The following ZDHHC7 variants were observed in gnomAD, a reference collection of about 807,000 sequenced individuals.
ZDHHC7 encodes the protein palmitoyltransferase ZDHHC7.
ZDHHC7 carries 12 observed loss-of-function variants against 34.1 expected under a neutral mutation model. The ratio of observed to expected loss-of-function variants is 0.35; its 90% CI spans 0.23 to 0.57. The LOEUF (loss-of-function observed/expected upper bound fraction) is 0.57, where lower values mean the gene tolerates loss of function less well. Ranked by LOEUF, ZDHHC7 falls within the 20% of genes least tolerant of loss-of-function variation. The pLI is 0.84. For missense variants in ZDHHC7, 388 were observed against 402.7 expected (o/e 0.96, Z 0.31); for synonymous variants, 185 against 155.4 (o/e 1.19, Z -1.42).
chr16:84,981,325 C>T (rs756306165), intron 4 of ZDHHC7, among the ~76,000 whole-genome samples: 2 of 152,086 alleles, frequency 1.3e-5, no homozygotes, highest in Non-Finnish European at 2.9e-5. Flanking sequence ...TTTGAGAGCA[C>T]GCCCAAATAA....
rs1336325142 is a variant in ZDHHC7 at position 84,975,665 on chromosome 16, C to T, written c.*678G>A. 2 of 152,704 alleles carry T rather than the reference C, an allele frequency of 1.3e-5. No homozygotes were observed. Among genetic ancestry groups the T allele is most frequent in the South Asian group, 2.1e-4 (1 of 4,834 alleles). 9.5% of individuals were successfully genotyped at this position (152,704 alleles called of 1,614,324 possible). A position where few individuals can be genotyped will look rare whatever the true frequency, so the allele number is the denominator to read the frequency against. ...TCTAAAAAATAGCTTGTTTGCTGTA[C>T]ACAGCCGGTAAATGTTACATTGCCT... On this transcript the variant is annotated 3_prime_UTR_variant, in exon 8 of 8. Coordinates refer to ENST00000313732, the MANE Select transcript of ZDHHC7 (RefSeq NM_017740.3).
chr16:84,976,959 G>T, intron 7 of ZDHHC7, 136 bp downstream of exon 7: 1 of 1,274,036 alleles, frequency 7.8e-7, no homozygotes, highest in Non-Finnish European at 1.1e-6. Flanking sequence ...AACACAGGGA[G>T]CTGGTTGCAG....
At chr16:84,980,496 C>A (rs1462812184) in intron 4 of ZDHHC7, among the ~76,000 whole-genome samples, 3 of 151,878 alleles carry the variant, frequency 2.0e-5, no homozygotes, top group African/African-American at 7.3e-5. Flanking sequence ...GTGGCAAAAC[C>A]CCGTCTCTAC....
chr16:84,987,733 G>C (rs1037600020), intron 3 of ZDHHC7, among the ~76,000 whole-genome samples: 2 of 152,210 alleles, frequency 1.3e-5, no homozygotes, highest in African/African-American at 4.8e-5. Flanking sequence ...TAGGTGAGAA[G>C]GGTCCGGCCA....
At chr16:85,020,844 T>G in the ZDHHC7 span, among the ~76,000 whole-genome samples, 1 of 152,072 alleles carries the variant, frequency 6.6e-6, no homozygotes, top group East Asian at 1.9e-4. Flanking sequence ...GAAGCTCACA[T>G]CTGTAATCCC....
At chr16:84,994,771 A>G (rs1219666060) in intron 2 of ZDHHC7, among the ~76,000 whole-genome samples, 3 of 152,236 alleles carry the variant, frequency 2.0e-5, no homozygotes, top group Non-Finnish European at 4.4e-5. Context: ...CTTTAGTGCC[A>G]TATCTGTAAG....
At chr16:84,977,404 G>T in intron 6 of ZDHHC7, 179 bp from the exon 7 acceptor site, 1 of 704,610 alleles carries the variant, frequency 1.4e-6, no homozygotes, top group Non-Finnish European at 2.3e-6. Flanking sequence ...ACCCTTCCAA[G>T]CAAAAATTCA....
the ZDHHC7 span, among the ~76,000 whole-genome samples, chr16:85,017,094 C>T: frequency 1.3e-5 from 2 of 152,166 alleles, no homozygotes; most frequent in African/African-American, 4.8e-5. Flanking sequence ...GCATGAGCCA[C>T]CGCACCGGCC....
intron 3 of ZDHHC7, among the ~76,000 whole-genome samples, chr16:84,986,970 A>G (rs1224876941): frequency 6.6e-6 from 1 of 151,720 alleles, no homozygotes; most frequent in African/African-American, 2.4e-5. Context: ...GGCCATGCCC[A>G]CTCTCCCCTT....
chr16:84,978,152 C>T (rs2072322627), intron 5 of ZDHHC7, 147 bp from the exon 6 acceptor site: 9 of 555,514 alleles, frequency 1.6e-5, no homozygotes, highest in Admixed American at 3.5e-5. Context: ...ATTCTCCTGC[C>T]TCAGCCTCTC....
intron 3 of ZDHHC7, among the ~76,000 whole-genome samples, chr16:84,989,639 G>A (rs1304049429): frequency 7.2e-6 from 1 of 139,504 alleles, no homozygotes; most frequent in Non-Finnish European, 1.5e-5. Flanking sequence ...AGGTTGCAGT[G>A]AGCCAAGATC....
intron 6 of ZDHHC7, 142 bp from the exon 7 acceptor site, chr16:84,977,367 T>C (rs1597528344): frequency 2.7e-6 from 3 of 1,105,062 alleles, no homozygotes; most frequent in East Asian, 2.5e-5. Flanking sequence ...GGCACATTCA[T>C]TGTTCTCCAA....
chr16:84,977,315 C>T, intron 6 of ZDHHC7, 90 bp from the exon 7 acceptor site: 1 of 1,507,010 alleles, frequency 6.6e-7, no homozygotes, highest in South Asian at 1.3e-5. Flanking sequence ...TAGGGCCAGC[C>T]CCTGGCCAGC....
chr16:85,026,335 C>G, the ZDHHC7 span, among the ~76,000 whole-genome samples: 1 of 152,128 alleles, frequency 6.6e-6, no homozygotes, highest in Non-Finnish European at 1.5e-5. Flanking sequence ...CAAAAGCGTA[C>G]CCACTCGCCT....
the ZDHHC7 span, among the ~76,000 whole-genome samples, chr16:85,025,267 TA>T: frequency 1.9e-3 from 272 of 141,086 alleles, no homozygotes; most frequent in Non-Finnish European, 1.9e-3. Flanking sequence ...TGAGATGATT[TA>T]AAAAAAAAAA....
At chr16:84,984,181 G>A (rs995360379) in intron 3 of ZDHHC7, among the ~76,000 whole-genome samples, 2 of 151,822 alleles carry the variant, frequency 1.3e-5, no homozygotes, top group South Asian at 2.1e-4. Flanking sequence ...CACCACACCC[G>A]GCTAATTTTT....
chr16:85,019,391 G>C, the ZDHHC7 span, among the ~76,000 whole-genome samples: 1 of 152,120 alleles, frequency 6.6e-6, no homozygotes, highest in Non-Finnish European at 1.5e-5. Context: ...ATGCCAGCCT[G>C]GGCAACAGAG....
the ZDHHC7 span, among the ~76,000 whole-genome samples, chr16:85,026,649 A>G: frequency 6.6e-6 from 1 of 151,442 alleles, no homozygotes; most frequent in Non-Finnish European, 1.5e-5. Flanking sequence ...TCATCGATCC[A>G]TATGTCATCT....
intron 1 of ZDHHC7, among the ~76,000 whole-genome samples, chr16:85,003,618 C>T (rs2072679798): frequency 6.6e-6 from 1 of 152,132 alleles, no homozygotes; most frequent in African/African-American, 2.4e-5. Flanking sequence ...AAAAAATCCA[C>T]ACCAGAATAT....
Sources: gnomAD v4.1 joint callset for allele counts (sites outside exome capture counted in the v4.1 genomes callset) on GRCh38, gnomAD v4.1.1 for gene constraint, MANE v1.5 for transcripts, NCBI Gene and HGNC (gene_info 2026-07-23, HGNC 2026-07-21) for gene names.